Variants in JMJD4 observed in about 807,000 individuals in gnomAD.
JMJD4 encodes jumonji domain containing 4, also known as 2-oxoglutarate and iron-dependent oxygenase JMJD4.
JMJD4 carries 34 observed loss-of-function variants against 36.3 expected under a neutral mutation model. The ratio of observed to expected loss-of-function variants is 0.94; its 90% CI spans 0.71 to 1.25. JMJD4 has a LOEUF of 1.25. Among genes scored for constraint, JMJD4 ranks in the 50% most tolerant of loss-of-function variants. The pLI is 0.00. For missense variants in JMJD4, 584 were observed against 559.1 expected, an observed-to-expected ratio of 1.04 and a Z score of -0.45; for synonymous variants, 269 against 235.3, an observed-to-expected ratio of 1.14 and a Z score of -1.31.
chr1:227,734,207 G>A (rs1571966621), intron 2 of JMJD4, 175 bp from the exon 3 acceptor site: 2 of 685,236 alleles, frequency 2.9e-6, no homozygotes, highest in Non-Finnish European at 4.8e-6. Flanking sequence ...GGAGGGGGCG[G>A]GGCAGTCTGA....
chr1:227,734,945 G>T, intron 1 of JMJD4, 67 bp downstream of exon 1: 1 of 1,498,188 alleles, frequency 6.7e-7, no homozygotes, highest in Non-Finnish European at 8.9e-7. Context: ...TCTCTAGGCG[G>T]GGGCCTCCCG....
In JMJD4 at chr1:227,732,319, C is replaced by G; in HGVS notation, c.*73G>C. 2 of 1,559,808 alleles carry G rather than the reference C, an allele frequency of 1.3e-6. No individual in the cohort carries two copies. Among genetic ancestry groups the G allele is most frequent in the Non-Finnish European group, 1.8e-6 (2 of 1,142,670 alleles). On this transcript the variant is annotated 3_prime_UTR_variant, in exon 6 of 6. Transcript: ENST00000620518. ...GGCCCCAGGTCACAGGGAGGGCGGTCTTTATTTCTGGAAGGGCCCCGGAGC... is the reference window on the plus strand; with the variant it reads ...GGCCCCAGGTCACAGGGAGGGCGGTGTTTATTTCTGGAAGGGCCCCGGAGC...
At position 227,732,568 on chromosome 1, in the gene JMJD4, C is replaced by A; in HGVS notation, c.1078G>T (p.Gly360Cys). The A allele has an allele frequency of 6.2e-7, 1 of 1,613,506 alleles. No homozygotes were observed. The highest frequency in any genetic ancestry group is 1.1e-5 in the South Asian group (1 of 91,086). Residue 360 changes from glycine (G) to cysteine (C), a missense_variant, in exon 6 of 6, where the codon GGT (glycine) becomes TGT (cysteine). Gly to Cys is a radical substitution (Grantham distance 159). Transcript: ENST00000620518. Reference sequence around the variant, plus strand: ...GCCTGTTCGAAACCCAACCCAGCACCGTCCTCAGCGGCTGCCTCCCTCAGG... The same window carrying A: ...GCCTGTTCGAAACCCAACCCAGCACAGTCCTCAGCGGCTGCCTCCCTCAGG... ...LVLREAAAEDGAGLGFEQAAF... is the reference protein window; with the variant it reads ...LVLREAAAEDCAGLGFEQAAF...
At chr1:227,732,742 C>T (rs899703137) in intron 5 of JMJD4, 66 bp from the exon 6 acceptor site, 4 of 1,595,824 alleles carry the variant, frequency 2.5e-6, no homozygotes, top group Non-Finnish European at 3.4e-6. Flanking sequence ...AAGGACCCGA[C>T]ATGCGCCCAG....
At chr1:227,732,808 G>A in intron 5 of JMJD4, 73 bp downstream of exon 5, 2 of 1,599,054 alleles carry the variant, frequency 1.3e-6, no homozygotes, top group Non-Finnish European at 1.7e-6. Context: ...GCTGCGCGGT[G>A]ACCAAGGGAG....
chr1:227,733,757 C>G, intron 3 of JMJD4, 76 bp from the exon 4 acceptor site: 1 of 1,591,700 alleles, frequency 6.3e-7, no homozygotes, highest in Admixed American at 1.7e-5. Flanking sequence ...GAGGCCTGGT[C>G]CAACTGAAGG....
chr1:227,732,815 G>C, intron 5 of JMJD4, 66 bp downstream of exon 5: 1 of 1,601,550 alleles, frequency 6.2e-7, no homozygotes, highest in Non-Finnish European at 8.5e-7. Flanking sequence ...GGTGACCAAG[G>C]GAGTCTGAGC....
rs765588327 is a variant in JMJD4 at position 227,735,211 on chromosome 1, G to A, written c.63C>T (p.Pro21=). 4 of 1,587,238 alleles carry A rather than the reference G, an allele frequency of 2.5e-6. No homozygotes were observed. The highest frequency in any genetic ancestry group is 3.4e-6 in the Non-Finnish European group (4 of 1,167,576). ...CCCGGCCCGGAGCCTGGCCGACGCC[G>A]GGGACATCGACCCCCAGGCCTCGGA... is the stretch of plus-strand genomic sequence containing the variant. The part of the protein sequence containing the change: ...SHFRGLGVDV[P]GVGQAPGRVA... The change falls in exon 1 of 6, where the codon CCC becomes CCT. Residue 21 remains proline (P), a synonymous_variant. Coordinates refer to ENST00000620518, the MANE Select transcript of JMJD4 (RefSeq NM_023007.3).
chr1:227,733,049 C>A, intron 4 of JMJD4, 22 bp from the exon 5 acceptor site: 1 of 1,612,142 alleles, frequency 6.2e-7, no homozygotes, highest in Non-Finnish European at 8.5e-7. Context: ...ACAGTGCAGG[C>A]AGGCCTGAGC....
In JMJD4 at chr1:227,731,989, C is replaced by T. The variant is rs562163555; in HGVS notation, c.*403G>A. 141 of 243,306 alleles carry T rather than the reference C, an allele frequency of 5.8e-4. No individual in the cohort carries two copies. The highest frequency in any genetic ancestry group is 2.9e-3 in the African/African-American group (133 of 45,680). 15.1% of individuals were successfully genotyped at this position (243,306 alleles called of 1,614,324 possible). ...AGCACTGCTCCAACCCCTCCCTGAACCCACAGGGCAGAGCCAGGGGTGGTC... is the reference window on the plus strand; with the variant it reads ...AGCACTGCTCCAACCCCTCCCTGAATCCACAGGGCAGAGCCAGGGGTGGTC... On this transcript the variant is annotated 3_prime_UTR_variant, in exon 6 of 6. Coordinates refer to ENST00000620518, the MANE Select transcript of JMJD4 (RefSeq NM_023007.3).
At chr1:227,733,204 A>T in intron 4 of JMJD4, 177 bp from the exon 5 acceptor site, 1 of 866,246 alleles carries the variant, frequency 1.2e-6, no homozygotes, top group Non-Finnish European at 1.7e-6. Context: ...GGACCACCTC[A>T]GGCCACAGTG....
In JMJD4 at chr1:227,733,786, T is replaced by C. The variant is rs541305985; in HGVS notation, c.555-105A>G. 1.1e-5 allele frequency: 17 copies of C among 1,581,680 alleles called. No individual in the cohort carries two copies. The African/African-American group carries it at 2.3e-4, about 21-fold the overall frequency. The stretch of plus-strand genomic sequence containing the variant: ...CTGAAGGAGGGGTGGCCCCTTGGTC[T>C]CAAGGGATGGCACCCACTGTGAGGC... On this transcript the variant is annotated intron_variant, in intron 3 of 5. Coordinates refer to ENST00000620518, the MANE Select transcript of JMJD4 (RefSeq NM_023007.3).
At position 227,733,533 on chromosome 1, in the gene JMJD4, G is replaced by A. The variant is rs747508812; in HGVS notation, c.703C>T (p.Leu235Phe). 4 of 1,606,834 alleles carry A rather than the reference G, an allele frequency of 2.5e-6. No homozygotes were observed. In the Admixed American group the frequency reaches 6.8e-5, roughly 27 times the overall value. Residue 235 changes from leucine to phenylalanine, a missense_variant, in exon 4 of 6, where the codon CTC becomes TTC. By Grantham distance (22) the Leu-to-Phe change is conservative. Coordinates refer to ENST00000620518, the MANE Select transcript of JMJD4 (RefSeq NM_023007.3). The part of the protein sequence containing the change: ...NLPYDVTSPA[L>F]CDTHLHPRNQ... ...CGTGGGTGCAGGTGTGTGTCGCAGA[G>A]TGCTGGGGAGGTCACGTCGTAGGGC...
In JMJD4 at chr1:227,735,148, G is replaced by T; in HGVS notation, c.126C>A (p.Ala42=). ...GCAGCAAGAAGCCCCGCACAAAGTC[G>T]GCGTAGGAGAAGGCGCCCGGCTCCG... ...FVSEPGAFSY[A]DFVRGFLLPN... is the part of the protein sequence containing the mutation. Residue 42 remains alanine (A), a synonymous_variant, in exon 1 of 6, where the codon GCC becomes GCA. Coordinates refer to ENST00000620518, the MANE Select transcript of JMJD4 (RefSeq NM_023007.3). 1 of 1,582,028 alleles carries T rather than the reference G, an allele frequency of 6.3e-7. No individual in the cohort carries two copies. Among genetic ancestry groups the T allele is most frequent in the Non-Finnish European group, 8.6e-7 (1 of 1,164,886 alleles).
chr1:227,732,366 C>T lies in JMJD4; in HGVS notation c.*26G>A. ...GAGCAGGAGGCTGCCTCTCTTCCAC[C>T]CGTCCTTCTATCCTCACGACAGGTG... On this transcript the variant is annotated 3_prime_UTR_variant, in exon 6 of 6. Coordinates refer to ENST00000620518, the MANE Select transcript of JMJD4 (RefSeq NM_023007.3). 1 of 1,604,732 alleles carries T rather than the reference C, an allele frequency of 6.2e-7. No homozygotes were observed. Among genetic ancestry groups the T allele is most frequent in the East Asian group, 2.2e-5 (1 of 44,680 alleles).
chr1:227,732,856 T>G (rs376440410), intron 5 of JMJD4, 25 bp downstream of exon 5: 22 of 1,611,262 alleles, frequency 1.4e-5, no homozygotes, highest in Admixed American at 6.7e-5. Context: ...CCCAGGAGGG[T>G]AGCCTCCATG....
intron 2 of JMJD4, 171 bp downstream of exon 2, chr1:227,734,477 GAAC>G (rs1212687684): frequency 2.0e-5 from 11 of 543,290 alleles, no homozygotes; most frequent in East Asian, 3.1e-5. Context: ...ACCTCCCAAA[GAAC>G]AACACTTGCA....
Position 227,734,729 on chromosome 1 carries a change from G to C in JMJD4, c.350C>G (p.Thr117Ser), listed in dbSNP as rs1660950917. The C allele has an allele frequency of 6.2e-7, 1 of 1,614,076 alleles. No individual in the cohort carries two copies. Among genetic ancestry groups the C allele is most frequent in the Non-Finnish European group, 8.5e-7 (1 of 1,179,918 alleles). The change falls in exon 2 of 6, where the codon ACC becomes AGC. Residue 117 changes from threonine to serine, a missense_variant. By Grantham distance (58) the Thr-to-Ser change is moderately conservative. Coordinates refer to ENST00000620518, the MANE Select transcript of JMJD4 (RefSeq NM_023007.3). ...CGCCTGTATGTACTCTTTCCAGTAG[G>C]TGATGTAGTCTCTGAGAGTCATGTG... ...KEHMTLRDYI[T>S]YWKEYIQAGY...
intron 4 of JMJD4, 44 bp downstream of exon 4, chr1:227,733,370 T>G (rs750894986): frequency 1.4e-5 from 22 of 1,551,370 alleles, no homozygotes; most frequent in Non-Finnish European, 1.7e-5. Context: ...GCCGTCTTCC[T>G]GCAGGAAGGC....
Sources: gnomAD v4.1 joint callset for allele counts on GRCh38, gnomAD v4.1.1 for gene constraint, MANE v1.5 for transcripts, NCBI Gene and HGNC (gene_info 2026-07-23, HGNC 2026-07-21) for gene names.